SLAIN2: variants seen among roughly 807,000 people sequenced by gnomAD.
SLAIN2 encodes the protein SLAIN family member 2.
A neutral mutation model predicts 56.6 loss-of-function variants in SLAIN2; 31 were observed. The observed-to-expected ratio is 0.55, with a 90% CI of 0.41 to 0.74. The LOEUF is 0.74. Among genes scored for constraint, SLAIN2 ranks in the 30% least tolerant of loss-of-function variants. The pLI is 0.00. For synonymous variants in SLAIN2, 317 were observed against 284.9 expected (o/e 1.11, Z -1.13); for missense variants, 777 against 754.2 (o/e 1.03, Z -0.35).
chr4:48,362,787 A>C (rs1380861006), intron 1 of SLAIN2, among the ~76,000 whole-genome samples: 3 of 81,236 alleles, frequency 3.7e-5, no homozygotes, highest in South Asian at 4.1e-4. Context: ...TTTTATTGAT[A>C]ATTCTTGGGT....
At chr4:48,414,479 C>T (rs1345335432) in intron 6 of SLAIN2, among the ~76,000 whole-genome samples, 2 of 151,306 alleles carry the variant, frequency 1.3e-5, no homozygotes, top group Non-Finnish European at 2.9e-5. Context: ...TCACAGCAAA[C>T]TTATATTGGC....
chr4:48,359,227 C>T (rs900736365), intron 1 of SLAIN2, among the ~76,000 whole-genome samples: 1 of 151,992 alleles, frequency 6.6e-6, no homozygotes. Flanking sequence ...CTGCATTGAA[C>T]GTTGTGAAGA....
intron 6 of SLAIN2, among the ~76,000 whole-genome samples, chr4:48,410,948 A>C (rs1003281955): frequency 2.0e-5 from 3 of 152,212 alleles, no homozygotes; most frequent in African/African-American, 7.2e-5. Flanking sequence ...TAGCAGAAAC[A>C]GTGATGGCTC....
chr4:48,343,090 A>G (rs1714770213), intron 1 of SLAIN2, among the ~76,000 whole-genome samples: 1 of 152,172 alleles, frequency 6.6e-6, no homozygotes, highest in South Asian at 2.1e-4. Flanking sequence ...TCTCTGCTCT[A>G]TTGAAATTAA....
chr4:48,382,634 G>C lies in SLAIN2; in HGVS notation c.929G>C (p.Arg310Thr). The change falls in exon 5 of 8, where the codon AGA becomes ACA. Residue 310 changes from arginine to threonine, a missense_variant. By Grantham distance (71) the Arg-to-Thr change is moderately conservative. Coordinates refer to ENST00000264313, the MANE Select transcript of SLAIN2 (RefSeq NM_020846.2). ...TCTGGTTCATCTTGCAATTCTACAAGACGGGGTACTTTTAGTGATCAGGAA... is the reference window on the plus strand; with the variant it reads ...TCTGGTTCATCTTGCAATTCTACAACACGGGGTACTTTTAGTGATCAGGAA... ...RSSGSSCNST[R>T]RGTFSDQELD... 1.2e-6 allele frequency: 2 copies of C among 1,613,484 alleles called. No individual in the cohort carries two copies. The highest frequency in any genetic ancestry group is 8.5e-7 in the Non-Finnish European group (1 of 1,179,494).
chr4:48,397,182 CAAAGT>C (rs1212624412), intron 6 of SLAIN2, among the ~76,000 whole-genome samples: 5 of 152,114 alleles, frequency 3.3e-5, no homozygotes, highest in African/African-American at 1.2e-4. Flanking sequence ...ACTAATTAGA[CAAAGT>C]GAATGCAGAG....
intron 1 of SLAIN2, among the ~76,000 whole-genome samples, chr4:48,352,142 G>A (rs1303927447): frequency 6.6e-6 from 1 of 152,158 alleles, no homozygotes; most frequent in Non-Finnish European, 1.5e-5. Flanking sequence ...TTTTGGAGAG[G>A]TTAGTGTGGC....
rs141617298 is a variant in SLAIN2, at chr4:48,347,697, C to G, written c.389+5569C>G. ...AAGTACATTCACAATGTTGTGCAAT[C>G]ATCGCCACCATCCATCTCTAGACCT... is the stretch of plus-strand genomic sequence containing the variant. On this transcript the variant is annotated intron_variant, in intron 1 of 7. Transcript: ENST00000264313. Among the ~76,000 whole-genome samples the G allele has an allele frequency of 3.4e-3, 515 of 152,306 alleles. 1 individual carries two copies. The highest frequency in any genetic ancestry group is 0.01 in the Middle Eastern group (3 of 294).
At chr4:48,420,690 C>G (rs1717123803) in intron 7 of SLAIN2, among the ~76,000 whole-genome samples, 1 of 151,626 alleles carries the variant, frequency 6.6e-6, no homozygotes, top group South Asian at 2.1e-4. Flanking sequence ...CTCAGAGGAC[C>G]CCTAGAAAAA....
intron 6 of SLAIN2, among the ~76,000 whole-genome samples, chr4:48,409,860 G>A (rs745792008): frequency 2.6e-4 from 39 of 152,160 alleles, no homozygotes; most frequent in Non-Finnish European, 5.3e-4. Flanking sequence ...CTCCAGCCTA[G>A]ACGACAGAGC....
chr4:48,342,892 T>C (rs1714764531), intron 1 of SLAIN2, among the ~76,000 whole-genome samples: 1 of 152,022 alleles, frequency 6.6e-6, no homozygotes, highest in African/African-American at 2.4e-5. Flanking sequence ...AGAGTCCTAT[T>C]TAAAAATTTA....
chr4:48,356,602 A>T (rs1209348092), intron 1 of SLAIN2, among the ~76,000 whole-genome samples: 1 of 152,204 alleles, frequency 6.6e-6, no homozygotes, highest in Non-Finnish European at 1.5e-5. Flanking sequence ...TCTCAAAAAG[A>T]AGCAACTCAG....
chr4:48,416,500 C>T (rs1403000111), intron 6 of SLAIN2, among the ~76,000 whole-genome samples: 10 of 141,706 alleles, frequency 7.1e-5, no homozygotes, highest in African/African-American at 1.6e-4. Context: ...ATCATGTCGT[C>T]TGCAAACAGG....
At chr4:48,356,915 G>GT (rs942877642) in intron 1 of SLAIN2, among the ~76,000 whole-genome samples, 2 of 151,980 alleles carry the variant, frequency 1.3e-5, no homozygotes, top group East Asian at 1.9e-4. Context: ...GCTTTGCACT[G>GT]TTTTTTGGGT....
At chr4:48,342,665 G>A (rs1714748233) in intron 1 of SLAIN2, among the ~76,000 whole-genome samples, 1 of 148,266 alleles carries the variant, frequency 6.7e-6, no homozygotes, top group South Asian at 2.2e-4. Flanking sequence ...TTTGGGTAGT[G>A]GGGTAAACCT....
chr4:48,386,447 A>G (rs1050419722), intron 6 of SLAIN2, among the ~76,000 whole-genome samples: 8 of 152,214 alleles, frequency 5.3e-5, no homozygotes, highest in African/African-American at 1.9e-4. Context: ...GAGTTGTCAC[A>G]TCTATGGTTT....
At chr4:48,420,518 C>T (rs888244167) in intron 7 of SLAIN2, 75 bp downstream of exon 7, 22 of 1,512,340 alleles carry the variant, frequency 1.5e-5, no homozygotes, top group South Asian at 8.4e-5. Flanking sequence ...TAGCTTCATC[C>T]GTATGTTTGA....
At chr4:48,418,725 C>T (rs1717064726) in intron 6 of SLAIN2, among the ~76,000 whole-genome samples, 1 of 152,064 alleles carries the variant, frequency 6.6e-6, no homozygotes, top group Admixed American at 6.6e-5. Context: ...AATTTGTGTT[C>T]ATTCTTAAAC....
At chr4:48,404,175 A>G (rs535768055) in intron 6 of SLAIN2, among the ~76,000 whole-genome samples, 21 of 151,746 alleles carry the variant, frequency 1.4e-4, no homozygotes, top group South Asian at 6.3e-4. Flanking sequence ...TCCTCTTTTC[A>G]TTCCTCTCTG....
Sources: gnomAD v4.1 joint callset for allele counts (sites outside exome capture counted in the v4.1 genomes callset) on GRCh38, gnomAD v4.1.1 for gene constraint, MANE v1.5 for transcripts, NCBI Gene and HGNC (gene_info 2026-07-23, HGNC 2026-07-21) for gene names.